BCKDHB: variants seen among roughly 807,000 people sequenced by gnomAD.
BCKDHB encodes 2-oxoisovalerate dehydrogenase subunit beta, mitochondrial.
BCKDHB carries 41 observed loss-of-function variants against 48.5 expected under a neutral mutation model. That is an observed-to-expected ratio of 0.85 (90% CI 0.66 to 1.10). The LOEUF (loss-of-function observed/expected upper bound fraction) is 1.10. Among genes scored for constraint, BCKDHB ranks in the 50% least tolerant of loss-of-function variants. BCKDHB has a pLI of 0.00. For missense variants in BCKDHB, 496 were observed against 494.2 expected (o/e 1.00, Z -0.03); for synonymous variants, 201 against 174.8 (o/e 1.15, Z -1.18).
At chr6:80,219,720 T>A (rs1775327363) in intron 8 of BCKDHB, among the ~76,000 whole-genome samples, 2 of 152,218 alleles carry the variant, frequency 1.3e-5, no homozygotes. Flanking sequence ...GCAGGAGGTT[T>A]TCTGACACTT....
intron 1 of BCKDHB, among the ~76,000 whole-genome samples, chr6:80,109,195 C>T (rs1769287178): frequency 6.6e-6 from 1 of 152,128 alleles, no homozygotes; most frequent in East Asian, 1.9e-4. Flanking sequence ...CTCTGTAAGC[C>T]TCAGTTTCTT....
At chr6:80,120,705 G>A (rs183225954) in intron 1 of BCKDHB, among the ~76,000 whole-genome samples, 12 of 152,222 alleles carry the variant, frequency 7.9e-5, no homozygotes, top group African/African-American at 2.6e-4. Context: ...TTTTTGATGG[G>A]TTTGTTTGTC....
chr6:80,446,488 A>G, the BCKDHB span, among the ~76,000 whole-genome samples: 5 of 152,178 alleles, frequency 3.3e-5, no homozygotes, highest in African/African-American at 9.7e-5. Flanking sequence ...GCTCAGTCCA[A>G]TAGTCAGGAC....
At chr6:80,307,592 C>A in intron 9 of BCKDHB, 1 of 984,340 alleles carries the variant, frequency 1.0e-6, no homozygotes, top group Non-Finnish European at 1.2e-6. Flanking sequence ...TGAAAAATAA[C>A]AAGATCGTCA....
chr6:80,453,874 C>T, the BCKDHB span, among the ~76,000 whole-genome samples: 1 of 152,154 alleles, frequency 6.6e-6, no homozygotes, highest in Non-Finnish European at 1.5e-5. Context: ...TTCTCCCCTC[C>T]ATTTTCATTC....
chr6:80,252,939 A>G (rs1293744432), intron 8 of BCKDHB, among the ~76,000 whole-genome samples: 1 of 152,110 alleles, frequency 6.6e-6, no homozygotes, highest in Admixed American at 6.6e-5. Context: ...TCCTCTCAGC[A>G]TCATAATGAT....
rs142615954 is a variant in BCKDHB, at chr6:80,154,109, T to C, written c.344-13569T>C. On this transcript the variant is annotated intron_variant, in intron 3 of 9. Transcript: ENST00000320393. ...CAGTGTCTTCTTTTTCATAAAACTT[T>C]GTATGAGTCCTCCAAGCCCAAAAGA... 1.7e-3 allele frequency among the ~76,000 whole-genome samples: 264 copies of C among 152,310 alleles called. 1 individual carries two copies. Among genetic ancestry groups the C allele is most frequent in the African/African-American group, 6.0e-3 (250 of 41,570 alleles).
intron 9 of BCKDHB, among the ~76,000 whole-genome samples, chr6:80,337,529 T>C (rs1769654329): frequency 6.6e-6 from 1 of 151,922 alleles, no homozygotes; most frequent in Non-Finnish European, 1.5e-5. Context: ...TTCTTAATGT[T>C]TTTTTCCTAG....
At chr6:80,196,075 A>G (rs1774114735) in intron 6 of BCKDHB, among the ~76,000 whole-genome samples, 1 of 152,154 alleles carries the variant, frequency 6.6e-6, no homozygotes, top group Admixed American at 6.5e-5. Context: ...CTGTAATGGT[A>G]ATAGTGTGCT....
intron 9 of BCKDHB, among the ~76,000 whole-genome samples, chr6:80,285,944 C>CTG (rs3840383): frequency 0.015 from 2,205 of 151,526 alleles, 47 homozygotes; most frequent in East Asian, 0.052. Context: ...AAGTGTGTCT[C>CTG]TGTGTGTGTG....
At chr6:80,222,181 A>G (rs567967400) in intron 8 of BCKDHB, among the ~76,000 whole-genome samples, 100 of 152,154 alleles carry the variant, frequency 6.6e-4, no homozygotes, top group African/African-American at 2.3e-3. Context: ...GTGTGTACCT[A>G]TTGTTTAGCT....
the BCKDHB span, among the ~76,000 whole-genome samples, chr6:80,464,914 G>A: frequency 6.6e-6 from 1 of 152,168 alleles, no homozygotes; most frequent in Non-Finnish European, 1.5e-5. Flanking sequence ...CACAAAGCAG[G>A]GCAAAGAGCA....
At chr6:80,399,100 A>T in the BCKDHB span, among the ~76,000 whole-genome samples, 1 of 152,172 alleles carries the variant, frequency 6.6e-6, no homozygotes, top group Non-Finnish European at 1.5e-5. Flanking sequence ...TTGAAGGAAC[A>T]TACCTGAAAA....
intron 9 of BCKDHB, among the ~76,000 whole-genome samples, chr6:80,317,653 T>C (rs1051523583): frequency 6.6e-6 from 1 of 152,228 alleles, no homozygotes; most frequent in East Asian, 1.9e-4. Flanking sequence ...CCTTTTGCCA[T>C]GTAAGGTAAC....
chr6:80,436,147 C>CTTTTTTTTTTTT, the BCKDHB span, among the ~76,000 whole-genome samples: 1 of 70,374 alleles, frequency 1.4e-5, no homozygotes, highest in Non-Finnish European at 2.7e-5. Context: ...AAATTCTTTT[C>CTTTTTTTTTTTT]TTTTTTTTTT....
chr6:80,326,220 G>T (rs914066678), intron 9 of BCKDHB, among the ~76,000 whole-genome samples: 2 of 152,028 alleles, frequency 1.3e-5, no homozygotes, highest in African/African-American at 4.8e-5. Context: ...TAAAGATGTG[G>T]GGATACATTT....
chr6:80,199,770 TC>T (rs1257667772), intron 6 of BCKDHB, among the ~76,000 whole-genome samples: 9 of 39,648 alleles, frequency 2.3e-4, no homozygotes, highest in African/African-American at 8.7e-4. Flanking sequence ...AGACTCTGTC[TC>T]AAAAAAAAAA....
chr6:80,127,339 T>C lies in BCKDHB; in HGVS notation c.197-208T>C, dbSNP rs1436373135. 3 of 543,054 alleles carry C rather than the reference T, an allele frequency of 5.5e-6. No homozygotes were observed. In the African/African-American group the frequency reaches 5.7e-5, roughly 10 times the overall value. The allele number at this position is 543,054 out of a possible 1,614,324, so 33.6% of individuals were successfully genotyped here. ...TTTTATACTTTTACAAAAAATTGTT[T>C]AATATGGGTAAATTTTGCCCCATTA... On this transcript the variant is annotated intron_variant, in intron 1 of 9. Transcript: ENST00000320393.
intron 8 of BCKDHB, among the ~76,000 whole-genome samples, chr6:80,209,626 A>G (rs540302448): frequency 6.6e-6 from 1 of 152,146 alleles, no homozygotes; most frequent in East Asian, 1.9e-4. Flanking sequence ...TTTGGGTACT[A>G]TGAAAAATAA....
Sources: gnomAD v4.1 joint callset for allele counts (sites outside exome capture counted in the v4.1 genomes callset) on GRCh38, gnomAD v4.1.1 for gene constraint, MANE v1.5 for transcripts, NCBI Gene and HGNC (gene_info 2026-07-23, HGNC 2026-07-21) for gene names.